The following MROH2B variants were observed in gnomAD, a reference collection of about 807,000 sequenced individuals.
The protein encoded by MROH2B is maestro heat like repeat family member 2B.
Under a neutral mutation model 208.6 loss-of-function variants are expected in MROH2B, and 177 were observed. The observed-to-expected ratio is 0.85, with a 90% CI of 0.75 to 0.96. MROH2B has a LOEUF of 0.96. Among genes scored for constraint, MROH2B ranks in the 40% least tolerant of loss-of-function variants. MROH2B has a pLI of 0.00. For missense variants in MROH2B, 2,002 were observed against 1,878.7 expected (o/e 1.07, Z -1.21); for synonymous variants, 728 against 659.0 (o/e 1.10, Z -1.60).
chr5:41,004,953 TA>T, intron 35 of MROH2B, 33 bp from the exon 36 acceptor site: 2 of 1,608,050 alleles, frequency 1.2e-6, no homozygotes, highest in Non-Finnish European at 1.7e-6. Context: ...CCCGTTTAGT[TA>T]AGGGCGTGGC....
At chr5:41,069,825 A>AG in intron 1 of MROH2B, 73 bp from the exon 2 acceptor site, 1 of 1,147,696 alleles carries the variant, frequency 8.7e-7, no homozygotes, top group Non-Finnish European at 1.3e-6. Context: ...TGTAATCAAC[A>AG]CAGAAAGTTC....
At chr5:41,041,064 A>G in intron 19 of MROH2B, among the ~76,000 whole-genome samples, 1 of 152,166 alleles carries the variant, frequency 6.6e-6, no homozygotes, top group East Asian at 1.9e-4. Context: ...AACCTATACC[A>G]GAGATAAGAT....
At chr5:41,016,609 G>C (rs998614360) in intron 28 of MROH2B, among the ~76,000 whole-genome samples, 2 of 145,118 alleles carry the variant, frequency 1.4e-5, no homozygotes, top group Non-Finnish European at 3.0e-5. Flanking sequence ...CTCCCGAGTA[G>C]CTGGGATTAC....
chr5:41,023,280 G>C (rs2111894526), intron 24 of MROH2B, among the ~76,000 whole-genome samples: 1 of 152,272 alleles, frequency 6.6e-6, no homozygotes, highest in South Asian at 2.1e-4. Context: ...TCGCAAGGAA[G>C]CTAAAAATCT....
rs767843332 is a variant in MROH2B at position 41,000,758 on chromosome 5, T to A, written c.4270A>T (p.Ile1424Phe). 6.2e-7 allele frequency: 1 copy of A among 1,610,020 alleles called. No homozygotes were observed. Among genetic ancestry groups the A allele is most frequent in the Admixed American group, 1.7e-5 (1 of 59,530 alleles). Reference protein sequence around the residue: ...LAPLTGRRWKIFFAEEIKKSL... With the variant: ...LAPLTGRRWKFFFAEEIKKSL... ...TTTTTTATTTCTTCAGCAAAAAAAA[T>A]CTTCCACCTTCTTCCTGTTAGGGGT... Residue 1424 changes from isoleucine to phenylalanine, a missense_variant, in exon 38 of 42, where the codon ATT (isoleucine) becomes TTT (phenylalanine). Ile to Phe is a conservative substitution (Grantham distance 21). Transcript: ENST00000399564.
chr5:41,070,496 T>C (rs963650580), intron 1 of MROH2B, among the ~76,000 whole-genome samples: 1 of 152,148 alleles, frequency 6.6e-6, no homozygotes, highest in Non-Finnish European at 1.5e-5. Context: ...AAGGCAGCCA[T>C]ACCTGGAAAT....
At chr5:41,012,809 G>T in intron 29 of MROH2B, 74 bp from the exon 30 acceptor site, 1 of 1,570,846 alleles carries the variant, frequency 6.4e-7, no homozygotes, top group Non-Finnish European at 8.6e-7. Flanking sequence ...ACATGCTGTT[G>T]TGGTTTGTTT....
chr5:41,051,918 C>T (rs186713243), intron 12 of MROH2B, among the ~76,000 whole-genome samples: 4 of 152,242 alleles, frequency 2.6e-5, no homozygotes, highest in Admixed American at 2.0e-4. Flanking sequence ...TGTTTGTGTA[C>T]AGCAAAGGGT....
In MROH2B at chr5:41,012,743, T is replaced by C. The variant is rs76503884; in HGVS notation, c.2983-8A>G. 5,502 of 1,613,066 alleles carry C rather than the reference T, an allele frequency of 3.4e-3. 178 individuals are homozygous for C. The African/African-American group carries it at 0.066, about 19-fold the overall frequency. On this transcript the variant is annotated splice_polypyrimidine_tract_variant and splice_region_variant and intron_variant, in intron 29 of 41. Coordinates refer to ENST00000399564, the MANE Select transcript of MROH2B (RefSeq NM_173489.5). Reference sequence around the variant, plus strand: ...GATGAACTTACTGACAATCTGAAAATGCACCCAGAAAGATTCGTGTAATCA... The same window carrying C: ...GATGAACTTACTGACAATCTGAAAACGCACCCAGAAAGATTCGTGTAATCA...
intron 24 of MROH2B, among the ~76,000 whole-genome samples, chr5:41,030,801 A>T (rs1268150461): frequency 6.6e-6 from 1 of 152,130 alleles, no homozygotes; most frequent in Non-Finnish European, 1.5e-5. Flanking sequence ...AGAACCCAAA[A>T]ATATAGCCAA....
chr5:41,025,236 G>C (rs1274375279), intron 24 of MROH2B, among the ~76,000 whole-genome samples: 1 of 151,990 alleles, frequency 6.6e-6, no homozygotes, highest in Non-Finnish European at 1.5e-5. Context: ...AAAAATCAAT[G>C]AATCTAGGAG....
At chr5:41,014,637 G>T (rs551639308) in intron 29 of MROH2B, among the ~76,000 whole-genome samples, 3 of 152,078 alleles carry the variant, frequency 2.0e-5, no homozygotes, top group South Asian at 2.1e-4. Context: ...GGCCCAGAAG[G>T]CCCTTGGATC....
At chr5:41,008,220 T>C (rs951134359) in intron 33 of MROH2B, among the ~76,000 whole-genome samples, 1 of 152,258 alleles carries the variant, frequency 6.6e-6, no homozygotes, top group South Asian at 2.1e-4. Flanking sequence ...AAAATTGCTT[T>C]TTTTCAATTG....
At chr5:41,033,927 C>G in intron 21 of MROH2B, 63 bp from the exon 22 acceptor site, 12 of 1,543,028 alleles carry the variant, frequency 7.8e-6, no homozygotes, top group Non-Finnish European at 1.1e-5. Context: ...ATACCCAACC[C>G]AACAAAAGGA....
rs933334713 is a variant in MROH2B at position 41,009,834 on chromosome 5, C to G, written c.3293+88G>C. 40 of 1,314,956 alleles carry G rather than the reference C, an allele frequency of 3.0e-5. 1 individual carries two copies. The highest frequency in any genetic ancestry group is 4.0e-5 in the Non-Finnish European group (39 of 968,984). The allele number at this position is 1,314,956 out of a possible 1,614,324, so 81.5% of individuals were successfully genotyped here. A position where few individuals can be genotyped will look rare whatever the true frequency, so the allele number is the denominator to read the frequency against. ...ATGAGCTATTTTCAACCTTTGTTTG[C>G]TATCTTGCTCTCAAACCGTAAATCC... On this transcript the variant is annotated intron_variant, in intron 31 of 41. Transcript: ENST00000399564.
intron 28 of MROH2B, among the ~76,000 whole-genome samples, chr5:41,017,020 C>T (rs887514680): frequency 6.6e-6 from 1 of 152,110 alleles, no homozygotes; most frequent in Non-Finnish European, 1.5e-5. Context: ...TCTGTGTCCC[C>T]AGCATTAGAA....
intron 12 of MROH2B, 78 bp from the exon 13 acceptor site, chr5:41,051,168 T>C (rs896377663): frequency 3.4e-6 from 3 of 870,712 alleles, no homozygotes; most frequent in African/African-American, 1.8e-5. Context: ...GGTGTGTTCT[T>C]AGACTCTGGA....
At position 41,059,047 on chromosome 5, in the gene MROH2B, C is replaced by CAA. The variant is rs1171278919; in HGVS notation, c.616-846_616-845dup. On this transcript the variant is annotated intron_variant, in intron 6 of 41. Coordinates refer to ENST00000399564, the MANE Select transcript of MROH2B (RefSeq NM_173489.5). ...TGGGTGACAGAGTGAGACTCCATCT[C>CAA]AAAAAAAAAAAAAAAAAAAAGAATC... Among the ~76,000 whole-genome samples, 163 of 73,140 alleles carry CAA rather than the reference C, an allele frequency of 2.2e-3. 1 individual carries two copies. Among genetic ancestry groups the CAA allele is most frequent in the South Asian group, 2.8e-3 (6 of 2,120 alleles). 48.0% of individuals were successfully genotyped at this position (73,140 alleles called of 152,430 possible). A position where few individuals can be genotyped will look rare whatever the true frequency, so the allele number is the denominator to read the frequency against.
At chr5:41,002,251 A>G (rs1326006203) in intron 37 of MROH2B, among the ~76,000 whole-genome samples, 1 of 152,214 alleles carries the variant, frequency 6.6e-6, no homozygotes, top group Non-Finnish European at 1.5e-5. Context: ...AAAATCAGAA[A>G]GAAAAAGTGG....
Sources: gnomAD v4.1 joint callset for allele counts (sites outside exome capture counted in the v4.1 genomes callset) on GRCh38, gnomAD v4.1.1 for gene constraint, MANE v1.5 for transcripts, NCBI Gene and HGNC (gene_info 2026-07-23, HGNC 2026-07-21) for gene names.